TFEB: variants seen among roughly 807,000 people sequenced by gnomAD.
TFEB encodes the protein T-cell transcription factor EB.
Under a neutral mutation model 48.0 loss-of-function variants are expected in TFEB, and 12 were observed. The observed-to-expected ratio is 0.25, with a 90% CI of 0.16 to 0.40. The LOEUF (loss-of-function observed/expected upper bound fraction) is 0.40, where lower values mean the gene tolerates loss of function less well. TFEB is among the 10% of genes least tolerant of loss of function. TFEB has a pLI of 1.00. For synonymous variants in TFEB, 244 were observed against 261.4 expected, an observed-to-expected ratio of 0.93 and a Z score of 0.64; for missense variants, 509 against 640.3, an observed-to-expected ratio of 0.79 and a Z score of 2.21.
chr6:41,735,179 CG>C, intron 1 of TFEB, 170 bp downstream of exon 1: 1 of 913,558 alleles, frequency 1.1e-6, no homozygotes, highest in Non-Finnish European at 1.3e-6. Context: ...GCTGGGCGCC[CG>C]GGGGCGGACG....
At chr6:41,699,357 T>G (rs1362659243) in intron 1 of TFEB, among the ~76,000 whole-genome samples, 1 of 152,214 alleles carries the variant, frequency 6.6e-6, no homozygotes, top group Non-Finnish European at 1.5e-5. Flanking sequence ...CATTCACCCA[T>G]TCATTCACAC....
chr6:41,685,815 G>A (rs561255982), intron 8 of TFEB, among the ~76,000 whole-genome samples: 5 of 152,392 alleles, frequency 3.3e-5, no homozygotes, highest in Non-Finnish European at 5.9e-5. Context: ...ATGGCTTTAA[G>A]AGCCAGCTCT....
rs1771593698 is a variant in TFEB, at chr6:41,734,618, G to T, written c.-23+732C>A. Among the ~76,000 whole-genome samples, 1 of 150,502 alleles carries T rather than the reference G, an allele frequency of 6.6e-6. No individual in the cohort carries two copies. The highest frequency in any genetic ancestry group is 1.5e-5 in the Non-Finnish European group (1 of 67,442). On this transcript the variant is annotated intron_variant, in intron 1 of 8. Transcript: ENST00000373033. The surrounding 1 kb of genome is among the most constrained non-coding windows in gnomAD (Gnocchi z 4.0). ...GGGCAGGCAGCTGGGAACCCGGGGG[G>T]AGGCAGACAACGGGGCGCACGGAGG...
chr6:41,688,799 C>A (rs1199235128), intron 4 of TFEB, among the ~76,000 whole-genome samples: 1 of 152,224 alleles, frequency 6.6e-6, no homozygotes, highest in African/African-American at 2.4e-5. Flanking sequence ...CTAAGCCACT[C>A]AGCGATGTCA....
At position 41,690,744 on chromosome 6, in the gene TFEB, G is replaced by A. The variant is rs756151147; in HGVS notation, c.387C>T (p.His129=). ...TGTTGCCAGCGGAGGAGGACAGCAC[G>A]TGTCCAGCTCGCACCCCTGGGGAGG... The part of the protein sequence containing the change: ...PAASPGVRAG[H]VLSSSAGNSA... Residue 129 remains histidine (H), a synonymous_variant, in exon 3 of 9, where the codon CAC becomes CAT. Coordinates refer to ENST00000373033, the MANE Select transcript of TFEB (RefSeq NM_001271944.2). The A allele has an allele frequency of 4.9e-5, 79 of 1,603,138 alleles. No individual in the cohort carries two copies. Among genetic ancestry groups the A allele is most frequent in the Middle Eastern group, 1.7e-4 (1 of 6,036 alleles).
chr6:41,734,460 G>A lies in TFEB; in HGVS notation c.-23+890C>T. 1.2e-6 allele frequency: 1 copy of A among 858,292 alleles called. No individual in the cohort carries two copies. The highest frequency in any genetic ancestry group is 1.4e-6 in the Non-Finnish European group (1 of 714,384). The allele number at this position is 858,292 out of a possible 1,614,324, so 53.2% of individuals were successfully genotyped here. A position where few individuals can be genotyped will look rare whatever the true frequency, so the allele number is the denominator to read the frequency against. ...ATCTGCCCGCTCCCTTCCAGGAGGC[G>A]AGCGGACGCGCTGGGCCAGAGCTGG... On this transcript the variant is annotated intron_variant, in intron 1 of 8. Coordinates refer to ENST00000373033, the MANE Select transcript of TFEB (RefSeq NM_001271944.2). This position sits in a 1 kb window ranked among gnomAD's most constrained non-coding sequence, Gnocchi z 4.0.
At position 41,697,045 on chromosome 6, in the gene TFEB, C is replaced by A. The variant is rs528813171; in HGVS notation, c.-22-5810G>T. Among the ~76,000 whole-genome samples the A allele has an allele frequency of 1.2e-4, 18 of 152,282 alleles. No individual in the cohort carries two copies. The East Asian group carries it at 3.3e-3, about 28-fold the overall frequency. ...AGTGTCATATTTACAATAATTTGTA[C>A]AGCTGCTCCCTTACAACTTATAATT... On this transcript the variant is annotated intron_variant, in intron 1 of 8. Transcript: ENST00000373033.
intron 7 of TFEB, chr6:41,686,443 T>A: frequency 1.9e-6 from 1 of 530,468 alleles, no homozygotes; most frequent in South Asian, 3.0e-5. Flanking sequence ...ATTAATCTCA[T>A]GAAACCAGGC....
Position 41,723,700 on chromosome 6 carries a change from C to T in TFEB, c.-23+11650G>A. 1 of 420,352 alleles carries T rather than the reference C, an allele frequency of 2.4e-6. No individual in the cohort carries two copies. The allele number at this position is 420,352 out of a possible 1,614,324, so 26.0% of individuals were successfully genotyped here. On this transcript the variant is annotated intron_variant, in intron 1 of 8. Transcript: ENST00000373033. This position sits in a 1 kb window ranked among gnomAD's most constrained non-coding sequence, Gnocchi z 6.0. ...CAGAGGGAACTGCGCCCCGACGGCA[C>T]AGTCCCACACCGCAGCCTACCCAAC...
rs777225792 is a variant in TFEB at position 41,734,229 on chromosome 6, G to C, written c.-23+1121C>G. 7.4e-5 allele frequency: 35 copies of C among 475,464 alleles called. No individual in the cohort carries two copies. The highest frequency in any genetic ancestry group is 8.5e-5 in the Non-Finnish European group (31 of 363,822). 29.5% of individuals were successfully genotyped at this position (475,464 alleles called of 1,614,324 possible). The stretch of plus-strand genomic sequence containing the variant: ...TCGGGGGAAGGCGCAGCGGCCAGGG[G>C]CTGGCGGAGAGCGGAGGGCGGGGGC... On this transcript the variant is annotated intron_variant, in intron 1 of 8. Coordinates refer to ENST00000373033, the MANE Select transcript of TFEB (RefSeq NM_001271944.2). This position sits in a 1 kb window ranked among gnomAD's most constrained non-coding sequence, Gnocchi z 4.0.
intron 1 of TFEB, among the ~76,000 whole-genome samples, chr6:41,700,809 A>G (rs1429036951): frequency 6.6e-6 from 1 of 152,214 alleles, no homozygotes; most frequent in Non-Finnish European, 1.5e-5. Flanking sequence ...CCCAAGTTTC[A>G]GCTCACATCC....
chr6:41,728,817 T>C (rs1431585419), intron 1 of TFEB, among the ~76,000 whole-genome samples: 1 of 152,082 alleles, frequency 6.6e-6, no homozygotes, highest in African/African-American at 2.4e-5. Flanking sequence ...CAGCGCCTTG[T>C]GGACCTGTGG....
chr6:41,688,206 A>C, intron 4 of TFEB, 178 bp from the exon 5 acceptor site: 1 of 685,972 alleles, frequency 1.5e-6, no homozygotes, highest in Non-Finnish European at 2.3e-6. Flanking sequence ...GAGCTATTAT[A>C]AGATGTAGTC....
At chr6:41,697,332 C>T (rs982839408) in intron 1 of TFEB, among the ~76,000 whole-genome samples, 3 of 134,908 alleles carry the variant, frequency 2.2e-5, no homozygotes, top group Admixed American at 1.7e-4. Flanking sequence ...TGCTTGAACC[C>T]GGGAGGCAGA....
chr6:41,736,008 G>A, upstream of TFEB: 2 of 1,111,712 alleles, frequency 1.8e-6, no homozygotes, highest in Non-Finnish European at 1.4e-6. Context: ...TAGGGTGCAG[G>A]ACCTGGATCT....
In TFEB at chr6:41,734,147, G is replaced by T; in HGVS notation, c.-23+1203C>A. On this transcript the variant is annotated intron_variant, in intron 1 of 8. Transcript: ENST00000373033. The surrounding 1 kb of genome is among the most constrained non-coding windows in gnomAD (Gnocchi z 4.0). ...CTCAAGTTGAGTGCAGAAGCTCCGCGCTGAACCGTCCCCAGAACAGACAGG... is the reference window on the plus strand; with the variant it reads ...CTCAAGTTGAGTGCAGAAGCTCCGCTCTGAACCGTCCCCAGAACAGACAGG... 1 of 186,774 alleles carries T rather than the reference G, an allele frequency of 5.4e-6. No individual in the cohort carries two copies. The highest frequency in any genetic ancestry group is 1.0e-5 in the Non-Finnish European group (1 of 99,660). The allele number at this position is 186,774 out of a possible 1,614,324, so 11.6% of individuals were successfully genotyped here.
At chr6:41,686,691 T>G (rs1769028560) in intron 7 of TFEB, 1 of 251,492 alleles carries the variant, frequency 4.0e-6, no homozygotes, top group Non-Finnish European at 7.8e-6. Flanking sequence ...AAGTTTTGTA[T>G]TTTTAGTAGA....
intron 1 of TFEB, among the ~76,000 whole-genome samples, chr6:41,713,139 C>T (rs1770560445): frequency 6.6e-6 from 1 of 152,028 alleles, no homozygotes; most frequent in Admixed American, 6.5e-5. Flanking sequence ...TCCTCCCTCC[C>T]CAGCTTACCA....
Position 41,730,971 on chromosome 6 carries a change from ATT to A in TFEB, c.-23+4377_-23+4378del, listed in dbSNP as rs1363057763. ...AGTGGTGGGAAGCCCCACGTAAAGC[ATT>A]ACATCAGAGAACATTAGACACATGG... On this transcript the variant is annotated intron_variant, in intron 1 of 8. Transcript: ENST00000373033. The surrounding 1 kb of genome is among the most constrained non-coding windows in gnomAD (Gnocchi z 4.1). 6.6e-6 allele frequency among the ~76,000 whole-genome samples: 1 copy of A among 152,210 alleles called. No individual in the cohort carries two copies.
Sources: gnomAD v4.1 joint callset for allele counts (sites outside exome capture counted in the v4.1 genomes callset) on GRCh38, gnomAD v4.1.1 for gene constraint, Gnocchi (gnomAD v3.1) non-coding constraint, MANE v1.5 for transcripts, NCBI Gene and HGNC (gene_info 2026-07-23, HGNC 2026-07-21) for gene names.